The following DENND4C variants were observed in gnomAD, a reference collection of about 807,000 sequenced individuals.
DENND4C encodes DENN domain-containing protein 4C.
A neutral mutation model predicts 203.0 loss-of-function variants in DENND4C; 108 were observed. That is an observed-to-expected ratio of 0.53 (90% CI 0.46 to 0.62). The LOEUF (loss-of-function observed/expected upper bound fraction) is 0.62. DENND4C is among the 20% of genes least tolerant of loss of function. DENND4C has a pLI of 0.00. For synonymous variants in DENND4C, 871 were observed against 792.4 expected, an observed-to-expected ratio of 1.10 and a Z score of -1.67; for missense variants, 2,481 against 2,301.2, an observed-to-expected ratio of 1.08 and a Z score of -1.60.
chr9:19,314,315 G>A (rs1174679181), intron 10 of DENND4C, among the ~76,000 whole-genome samples: 1 of 151,650 alleles, frequency 6.6e-6, no homozygotes, highest in Non-Finnish European at 1.5e-5. Flanking sequence ...TTAGCTGGGT[G>A]TGGTGCCACA....
chr9:19,302,738 T>G (rs1815492607), intron 9 of DENND4C, among the ~76,000 whole-genome samples: 1 of 152,234 alleles, frequency 6.6e-6, no homozygotes, highest in Non-Finnish European at 1.5e-5. Flanking sequence ...CTCTTCCTCT[T>G]GCTCACTCTT....
chr9:19,368,153 T>G (rs1268688482), intron 30 of DENND4C, among the ~76,000 whole-genome samples: 4 of 152,118 alleles, frequency 2.6e-5, no homozygotes, highest in Non-Finnish European at 5.9e-5. Context: ...TAGCATAGTG[T>G]GAAGATTAAC....
At chr9:19,339,857 AT>A (rs1292885798) in intron 20 of DENND4C, among the ~76,000 whole-genome samples, 1 of 151,816 alleles carries the variant, frequency 6.6e-6, no homozygotes, top group Non-Finnish European at 1.5e-5. Context: ...TCCATTCTCT[AT>A]TTTTTTCTTA....
chr9:19,297,767 A>G (rs1294610441), intron 6 of DENND4C, among the ~76,000 whole-genome samples: 1 of 152,178 alleles, frequency 6.6e-6, no homozygotes. Flanking sequence ...AACCAGGGCT[A>G]TAAAAATTCA....
At chr9:19,359,196 GA>G (rs1235929313) in intron 28 of DENND4C, among the ~76,000 whole-genome samples, 1 of 151,574 alleles carries the variant, frequency 6.6e-6, no homozygotes, top group African/African-American at 2.4e-5. Flanking sequence ...AATTAATTTG[GA>G]GGAATAGGGT....
intron 1 of DENND4C, among the ~76,000 whole-genome samples, chr9:19,275,503 C>G (rs749566319): frequency 1.2e-4 from 18 of 152,020 alleles, no homozygotes; most frequent in African/African-American, 4.1e-4. Flanking sequence ...TGGAGTTTCT[C>G]TCTTTCACCC....
chr9:19,243,339 T>A (rs1004676065), intron 1 of DENND4C, among the ~76,000 whole-genome samples: 2 of 152,208 alleles, frequency 1.3e-5, no homozygotes, highest in African/African-American at 4.8e-5. Context: ...ATTCCTTTTT[T>A]AAAAAATTCT....
intron 3 of DENND4C, 56 bp from the exon 4 acceptor site, chr9:19,288,540 A>C (rs1835661865): frequency 9.1e-7 from 1 of 1,102,938 alleles, no homozygotes; most frequent in African/African-American, 1.6e-5. Flanking sequence ...TATCCAACAA[A>C]ATCAATTTCT....
rs139041293 is a variant in DENND4C at position 19,236,916 on chromosome 9, A to G, written c.-18+6083A>G. On this transcript the variant is annotated intron_variant, in intron 1 of 32. Transcript: ENST00000434457. ...GTCACATTGTCTAGTTAGGGAGATG[A>G]GTTACTATCTATTCCAGCATCTTGC... is the stretch of plus-strand genomic sequence containing the variant. 4.0e-3 allele frequency among the ~76,000 whole-genome samples: 616 copies of G among 152,322 alleles called. 7 individuals are homozygous for G. The highest frequency in any genetic ancestry group is 0.036 in the East Asian group (185 of 5,192).
chr9:19,265,529 G>A (rs1378205772), intron 1 of DENND4C, among the ~76,000 whole-genome samples: 1 of 151,932 alleles, frequency 6.6e-6, no homozygotes, highest in Non-Finnish European at 1.5e-5. Context: ...ATGTATACAT[G>A]TGCCATGTTG....
intron 21 of DENND4C, among the ~76,000 whole-genome samples, chr9:19,342,136 A>G (rs1273251920): frequency 6.6e-6 from 1 of 151,870 alleles, no homozygotes; most frequent in Admixed American, 6.6e-5. Flanking sequence ...AAAAAAAAAA[A>G]AAAAAAAAAA....
At chr9:19,300,131 AACATATTTCAGC>A in intron 8 of DENND4C, 44 bp from the exon 9 acceptor site, 6 of 1,496,210 alleles carry the variant, frequency 4.0e-6, no homozygotes, top group Non-Finnish European at 5.4e-6. Flanking sequence ...AGCAAATCTT[AACATATTTCAGC>A]AAAATAGTTC....
At chr9:19,251,586 A>C (rs926483599) in intron 1 of DENND4C, among the ~76,000 whole-genome samples, 30 of 152,196 alleles carry the variant, frequency 2.0e-4, no homozygotes, top group Non-Finnish European at 3.5e-4. Context: ...AAATTTTCTG[A>C]ACTTTTATGC....
At chr9:19,236,233 T>TA (rs1821941024) in intron 1 of DENND4C, among the ~76,000 whole-genome samples, 2 of 152,288 alleles carry the variant, frequency 1.3e-5, no homozygotes, top group East Asian at 1.9e-4. Context: ...TCTAATAGGT[T>TA]AAACAGCCCT....
chr9:19,370,479 G>A (rs1563850821), intron 31 of DENND4C, among the ~76,000 whole-genome samples: 1 of 151,882 alleles, frequency 6.6e-6, no homozygotes, highest in African/African-American at 2.4e-5. Flanking sequence ...AGTGGAAATA[G>A]ATTCCATTTT....
intron 10 of DENND4C, among the ~76,000 whole-genome samples, chr9:19,309,994 G>A (rs774605926): frequency 7.2e-5 from 11 of 152,216 alleles, no homozygotes; most frequent in Non-Finnish European, 1.3e-4. Flanking sequence ...TCTCCAGAAA[G>A]ATAATTCACA....
At chr9:19,335,165 C>T in intron 18 of DENND4C, 60 bp downstream of exon 18, 1 of 1,242,684 alleles carries the variant, frequency 8.0e-7, no homozygotes, top group Non-Finnish European at 1.1e-6. Context: ...ATTTTGTATA[C>T]CTTTAGTTAT....
chr9:19,230,541 G>C (rs1305226498), upstream of DENND4C: 1 of 152,378 alleles, frequency 6.6e-6, no homozygotes, highest in East Asian at 1.9e-4. Context: ...TCTTGGGACG[G>C]CTGCGCCGCG....
At chr9:19,369,739 C>G (rs186020883) in intron 30 of DENND4C, 98 bp from the exon 31 acceptor site, 519 of 743,868 alleles carry the variant, frequency 7.0e-4, no homozygotes, top group Non-Finnish European at 8.7e-4. Context: ...TGCACTCCAG[C>G]CTGGGTAACA....
Sources: allele counts gnomAD v4.1 joint callset (sites outside exome capture counted in the v4.1 genomes callset), GRCh38; gene constraint gnomAD v4.1.1; transcripts MANE v1.5; gene names NCBI Gene and HGNC (gene_info 2026-07-23, HGNC 2026-07-21).